ARHGAP22: variants seen among roughly 807,000 people sequenced by gnomAD.
ARHGAP22 encodes the protein rho GTPase-activating protein 22.
A neutral mutation model predicts 59.1 loss-of-function variants in ARHGAP22; 48 were observed. The ratio of observed to expected loss-of-function variants is 0.81; its 90% CI spans 0.64 to 1.03. The LOEUF is 1.03. Ranked by LOEUF, ARHGAP22 falls within the 50% of genes least tolerant of loss-of-function variation. ARHGAP22 has a pLI of 0.00. For missense variants in ARHGAP22, 1,015 were observed against 958.7 expected, an observed-to-expected ratio of 1.06 and a Z score of -0.78; for synonymous variants, 445 against 416.4, an observed-to-expected ratio of 1.07 and a Z score of -0.84.
At chr10:48,569,359 C>T (rs867149128) in intron 2 of ARHGAP22, among the ~76,000 whole-genome samples, 2 of 152,204 alleles carry the variant, frequency 1.3e-5, no homozygotes, top group Non-Finnish European at 1.5e-5. Context: ...GGGAAATGTA[C>T]CCATCGTCCT....
intron 1 of ARHGAP22, among the ~76,000 whole-genome samples, chr10:48,649,901 C>T (rs1015488429): frequency 2.0e-5 from 3 of 150,486 alleles, no homozygotes; most frequent in South Asian, 2.1e-4. Context: ...GCATAAGGAC[C>T]TTTCATTTGC....
At chr10:48,559,553 G>A (rs1470421649) in intron 2 of ARHGAP22, among the ~76,000 whole-genome samples, 1 of 152,158 alleles carries the variant, frequency 6.6e-6, no homozygotes, top group African/African-American at 2.4e-5. Flanking sequence ...ATCAAATTAT[G>A]TTTCATCAAA....
intron 2 of ARHGAP22, among the ~76,000 whole-genome samples, chr10:48,576,030 C>G: frequency 6.6e-6 from 1 of 152,302 alleles, no homozygotes; most frequent in Admixed American, 6.5e-5. Context: ...TCGCAGCCCA[C>G]GAAGTGAGGA....
intron 1 of ARHGAP22, among the ~76,000 whole-genome samples, chr10:48,584,101 C>A (rs1213951262): frequency 1.3e-5 from 2 of 152,224 alleles, no homozygotes; most frequent in Non-Finnish European, 2.9e-5. Context: ...CTAGGAGGGG[C>A]CATCTTGAAC....
chr10:48,540,908 G>C lies in ARHGAP22; in HGVS notation c.322+14555C>G, dbSNP rs558065387. On this transcript the variant is annotated intron_variant, in intron 3 of 9. Transcript: ENST00000249601. ...CCCCGGACTAGGAGTTCTTGAGGGA[G>C]GGGATCACATCTCAGGATCTCCTAG... 2.7e-4 allele frequency among the ~76,000 whole-genome samples: 41 copies of C among 152,012 alleles called. No homozygotes were observed. In the East Asian group the frequency reaches 7.0e-3, roughly 26 times the overall value.
chr10:48,581,309 G>A (rs2059105540), intron 2 of ARHGAP22, among the ~76,000 whole-genome samples: 1 of 152,150 alleles, frequency 6.6e-6, no homozygotes, highest in African/African-American at 2.4e-5. Flanking sequence ...TATGTTCTCT[G>A]GAACACACCT....
chr10:48,628,630 G>T (rs2061528810), intron 1 of ARHGAP22, among the ~76,000 whole-genome samples: 1 of 152,188 alleles, frequency 6.6e-6, no homozygotes, highest in Non-Finnish European at 1.5e-5. Flanking sequence ...ATTCCGCCTG[G>T]TGACTCCTGT....
At chr10:48,613,670 T>C (rs1415640064) in intron 1 of ARHGAP22, among the ~76,000 whole-genome samples, 1 of 140,156 alleles carries the variant, frequency 7.1e-6, no homozygotes, top group African/African-American at 2.6e-5. Context: ...CTGAGAAGAA[T>C]GTAAAAAAAA....
intron 2 of ARHGAP22, among the ~76,000 whole-genome samples, chr10:48,562,482 C>T (rs1467545655): frequency 3.3e-5 from 5 of 152,168 alleles, no homozygotes; most frequent in Non-Finnish European, 5.9e-5. Context: ...TCTTAATGCA[C>T]GCTGCAACAT....
rs2061671436 is a variant in ARHGAP22 at position 48,632,763 on chromosome 10, A to G, written c.52+19471T>C. On this transcript the variant is annotated intron_variant, in intron 1 of 9. Coordinates refer to the ARHGAP22 transcript ENST00000435790. ...TGTTCCCAAAACCACCCAGGCTAGGAGCTGTGCCGTCTTTAATATTTGCTG... is the reference window on the plus strand; with the variant it reads ...TGTTCCCAAAACCACCCAGGCTAGGGGCTGTGCCGTCTTTAATATTTGCTG... Among the ~76,000 whole-genome samples, 7 of 152,332 alleles carry G rather than the reference A, an allele frequency of 4.6e-5. No homozygotes were observed. In the South Asian group the frequency reaches 1.5e-3, roughly 32 times the overall value.
intron 2 of ARHGAP22, 101 bp downstream of exon 2, chr10:48,582,852 A>T (rs2059199081): frequency 7.5e-7 from 1 of 1,334,662 alleles, no homozygotes; most frequent in South Asian, 1.3e-5. Flanking sequence ...ACTGTGATGG[A>T]GTCAGTGGCT....
At chr10:48,585,814 G>A (rs2059393001) in intron 1 of ARHGAP22, among the ~76,000 whole-genome samples, 2 of 152,308 alleles carry the variant, frequency 1.3e-5, no homozygotes, top group South Asian at 4.1e-4. Context: ...AGAGGAAGTG[G>A]GTTGTTTGCA....
chr10:48,488,114 G>A (rs919064719), intron 3 of ARHGAP22, among the ~76,000 whole-genome samples: 4 of 152,144 alleles, frequency 2.6e-5, no homozygotes, highest in African/African-American at 9.7e-5. Flanking sequence ...ACAGCTAGCT[G>A]CTATTGCTAT....
At chr10:48,603,082 G>C (rs1482430550) in intron 1 of ARHGAP22, among the ~76,000 whole-genome samples, 3 of 152,254 alleles carry the variant, frequency 2.0e-5, no homozygotes, top group African/African-American at 4.8e-5. Context: ...GAAGAGGGCT[G>C]TATGGCTGGC....
At chr10:48,516,686 T>C (rs2134642612) in intron 3 of ARHGAP22, among the ~76,000 whole-genome samples, 2 of 152,298 alleles carry the variant, frequency 1.3e-5, no homozygotes, top group Non-Finnish European at 2.9e-5. Flanking sequence ...TAAGAATTAA[T>C]ACCAAATGTT....
chr10:48,649,978 AAGAC>A (rs985199211), intron 1 of ARHGAP22, among the ~76,000 whole-genome samples: 2 of 151,306 alleles, frequency 1.3e-5, no homozygotes, highest in African/African-American at 2.4e-5. Flanking sequence ...TTAGCTGAGA[AAGAC>A]GGAGGGAGGG....
chr10:48,650,075 A>C (rs2062490544), intron 1 of ARHGAP22, among the ~76,000 whole-genome samples: 1 of 151,636 alleles, frequency 6.6e-6, no homozygotes, highest in Admixed American at 6.6e-5. Context: ...GAAGAAAGAT[A>C]AACACACAGA....
At chr10:48,591,525 C>G (rs2059752404) in intron 1 of ARHGAP22, among the ~76,000 whole-genome samples, 1 of 152,142 alleles carries the variant, frequency 6.6e-6, no homozygotes, top group Admixed American at 6.5e-5. Flanking sequence ...AGGGGAAATG[C>G]AGACTACAGC....
chr10:48,487,655 G>A (rs1433908854), intron 3 of ARHGAP22, among the ~76,000 whole-genome samples: 1 of 152,172 alleles, frequency 6.6e-6, no homozygotes, highest in African/African-American at 2.4e-5. Flanking sequence ...CCTCCATAAC[G>A]GAATTCAGGC....
Sources: gnomAD v4.1 joint callset for allele counts (sites outside exome capture counted in the v4.1 genomes callset) on GRCh38, gnomAD v4.1.1 for gene constraint, MANE v1.5 for transcripts, NCBI Gene and HGNC (gene_info 2026-07-23, HGNC 2026-07-21) for gene names.